Variants in SEL1L2 observed in about 807,000 individuals in gnomAD.
SEL1L2 encodes the protein SEL1L2 adaptor subunit of SYVN1 ubiquitin ligase.
In SEL1L2, 89 loss-of-function variants were observed where a neutral mutation model predicts 98.8. That is an observed-to-expected ratio of 0.90 (90% CI 0.76 to 1.07). The LOEUF is 1.07. Among genes scored for constraint, SEL1L2 ranks in the 50% least tolerant of loss-of-function variants. SEL1L2 has a pLI of 0.00. For missense variants in SEL1L2, 788 were observed against 812.0 expected (o/e 0.97, Z 0.36); for synonymous variants, 262 against 278.5 (o/e 0.94, Z 0.59).
chr20:13,860,939 G>T (rs896159378), intron 17 of SEL1L2, among the ~76,000 whole-genome samples: 5 of 151,988 alleles, frequency 3.3e-5, no homozygotes, highest in Admixed American at 1.3e-4. Context: ...TCTCAGTACA[G>T]CACCCCCATT....
chr20:13,899,037 C>T (rs2047551889), intron 5 of SEL1L2, among the ~76,000 whole-genome samples: 1 of 152,138 alleles, frequency 6.6e-6, no homozygotes, highest in Non-Finnish European at 1.5e-5. Context: ...CCACTGTGCG[C>T]AGCCTGTTTT....
chr20:13,869,446 C>A, intron 14 of SEL1L2, 57 bp downstream of exon 14: 1 of 1,262,474 alleles, frequency 7.9e-7, no homozygotes, highest in South Asian at 1.2e-5. Flanking sequence ...ATAAAAGAAG[C>A]AGACTTAATA....
intron 14 of SEL1L2, among the ~76,000 whole-genome samples, chr20:13,869,040 T>C (rs1216322678): frequency 6.6e-6 from 1 of 152,056 alleles, no homozygotes; most frequent in Admixed American, 6.6e-5. Context: ...TGGCTTTCCA[T>C]TCTTCTCAGT....
intron 1 of SEL1L2, among the ~76,000 whole-genome samples, chr20:13,969,681 C>T (rs2051198214): frequency 6.6e-6 from 1 of 152,144 alleles, no homozygotes; most frequent in Non-Finnish European, 1.5e-5. Context: ...ATGTATTTTA[C>T]TTATTTGTGC....
upstream of SEL1L2, among the ~76,000 whole-genome samples, chr20:13,994,563 A>G (rs2052597726): frequency 6.6e-6 from 1 of 152,214 alleles, no homozygotes; most frequent in African/African-American, 2.4e-5. Context: ...ATGATCTGAT[A>G]TATAGAAACA....
chr20:13,968,054 T>C lies in SEL1L2; in HGVS notation c.59-11923A>G, dbSNP rs547253699. ...ATATAGTAGATGTTCTGAAAGTCTG[T>C]AATTTAGTGTCAGTGTCTTGAAAAG... On this transcript the variant is annotated intron_variant, in intron 1 of 19. Transcript: ENST00000284951. Among the ~76,000 whole-genome samples the C allele has an allele frequency of 3.3e-5, 5 of 152,350 alleles. No individual in the cohort carries two copies. In the East Asian group the frequency reaches 7.7e-4, roughly 23 times the overall value.
At position 13,870,192 on chromosome 20, in the gene SEL1L2, G is replaced by A. The variant is rs752261823; in HGVS notation, c.1116C>T (p.Ile372=). 9.3e-6 allele frequency: 15 copies of A among 1,610,510 alleles called. No homozygotes were observed. The highest frequency in any genetic ancestry group is 3.3e-5 in the Admixed American group (2 of 59,872). ...AAAGAAGACCAAGCCCATGAAGGCC[G>A]ATTGCATTGCCCTAGAAGAGTTTTA... The part of the protein sequence containing the change: ...FSMAASKGNA[I]GLHGLGLLYF... Residue 372 remains isoleucine (I), a synonymous_variant, in exon 13 of 20, where the codon ATC becomes ATT. Transcript: ENST00000284951.
chr20:13,980,628 C>G (rs947792265), intron 1 of SEL1L2, among the ~76,000 whole-genome samples: 3 of 152,136 alleles, frequency 2.0e-5, no homozygotes, highest in Non-Finnish European at 4.4e-5. Flanking sequence ...AGCAATCCCC[C>G]CTCTAGGTAT....
intron 19 of SEL1L2, 45 bp from the exon 20 acceptor site, chr20:13,849,649 C>T (rs1443371340): frequency 3.1e-6 from 5 of 1,601,622 alleles, no homozygotes; most frequent in Admixed American, 3.4e-5. Flanking sequence ...AAGCTTCCCA[C>T]CTCCACTCAG....
intron 4 of SEL1L2, among the ~76,000 whole-genome samples, chr20:13,916,092 T>C (rs2148205904): frequency 6.6e-6 from 1 of 152,330 alleles, no homozygotes; most frequent in East Asian, 1.9e-4. Context: ...GCTTGCTTAA[T>C]ATCTGTACTT....
intron 17 of SEL1L2, among the ~76,000 whole-genome samples, chr20:13,863,869 C>T (rs1201606379): frequency 6.6e-6 from 1 of 151,318 alleles, no homozygotes; most frequent in East Asian, 1.9e-4. Context: ...ACTTGGTAGG[C>T]TGAGGCAGGA....
intron 14 of SEL1L2, among the ~76,000 whole-genome samples, chr20:13,869,033 C>T (rs1280152755): frequency 1.3e-5 from 2 of 151,512 alleles, no homozygotes; most frequent in African/African-American, 4.9e-5. Flanking sequence ...CTGAGCTTGG[C>T]TTTCCATTCT....
At chr20:13,967,132 C>T (rs763502941) in intron 1 of SEL1L2, among the ~76,000 whole-genome samples, 12 of 152,062 alleles carry the variant, frequency 7.9e-5, no homozygotes, top group Admixed American at 2.6e-4. Flanking sequence ...CCACCCGCCT[C>T]GGCCTCCCAA....
chr20:13,927,463 A>G (rs1439693640), intron 3 of SEL1L2, among the ~76,000 whole-genome samples: 2 of 152,356 alleles, frequency 1.3e-5, no homozygotes, highest in East Asian at 1.9e-4. Context: ...AAAAATGGCT[A>G]AATAGTTTTC....
rs1473607415 is a variant in SEL1L2, at chr20:13,866,709, G to A, written c.1397C>T (p.Ala466Val). Residue 466 changes from alanine (A) to valine (V), a missense_variant, in exon 15 of 20, where the codon GCT becomes GTT. Coordinates refer to ENST00000284951, the MANE Select transcript of SEL1L2 (RefSeq NM_025229.2). ...GTGVVRSCRT[A>V]VELYKGVCEL... ...GCCGCATATTATATTTACCTCCACAGCAGTTCTGCATGATCTTACTACTCC... is the reference window on the plus strand; with the variant it reads ...GCCGCATATTATATTTACCTCCACAACAGTTCTGCATGATCTTACTACTCC... 2 of 1,581,214 alleles carry A rather than the reference G, an allele frequency of 1.3e-6. No individual in the cohort carries two copies. Among genetic ancestry groups the A allele is most frequent in the South Asian group, 1.2e-5 (1 of 84,352 alleles).
chr20:13,890,383 A>G (rs2047153399), intron 5 of SEL1L2, among the ~76,000 whole-genome samples: 1 of 152,078 alleles, frequency 6.6e-6, no homozygotes, highest in South Asian at 2.1e-4. Flanking sequence ...AGAGATTATA[A>G]ACTCCTGGAA....
At chr20:13,986,568 G>A (rs2052193882) in intron 1 of SEL1L2, among the ~76,000 whole-genome samples, 1 of 152,140 alleles carries the variant, frequency 6.6e-6, no homozygotes, top group Admixed American at 6.5e-5. Flanking sequence ...TAACACCTAT[G>A]AGCACTTCAT....
At chr20:13,982,271 G>A (rs2051864618) in intron 1 of SEL1L2, among the ~76,000 whole-genome samples, 1 of 152,136 alleles carries the variant, frequency 6.6e-6, no homozygotes, top group African/African-American at 2.4e-5. Flanking sequence ...AGCATTTTGG[G>A]AGGCTGACGC....
intron 1 of SEL1L2, among the ~76,000 whole-genome samples, chr20:13,978,430 A>T (rs1019886053): frequency 1.4e-4 from 22 of 152,216 alleles, no homozygotes; most frequent in Non-Finnish European, 3.2e-4. Context: ...GCTGGCAAGG[A>T]TGTGGAGAAA....
Sources: gnomAD v4.1 joint callset for allele counts (sites outside exome capture counted in the v4.1 genomes callset) on GRCh38, gnomAD v4.1.1 for gene constraint, MANE v1.5 for transcripts, NCBI Gene and HGNC (gene_info 2026-07-23, HGNC 2026-07-21) for gene names.